The following SPPL2B variants were observed in gnomAD, a reference collection of about 807,000 sequenced individuals.
The protein encoded by SPPL2B is signal peptide peptidase-like 2B.
A neutral mutation model predicts 59.7 loss-of-function variants in SPPL2B; 39 were observed. The ratio of observed to expected loss-of-function variants is 0.65; its 90% CI spans 0.51 to 0.85. The LOEUF (loss-of-function observed/expected upper bound fraction) is 0.85. Ranked by LOEUF, SPPL2B falls within the 40% of genes least tolerant of loss-of-function variation. The pLI, the probability that SPPL2B is intolerant of heterozygous loss-of-function variation, is 0.00. For synonymous variants in SPPL2B, 419 were observed against 370.8 expected (o/e 1.13, Z -1.49); for missense variants, 865 against 849.0 (o/e 1.02, Z -0.23).
rs778921236 is a variant in SPPL2B, at chr19:2,338,762, G to A, written c.380G>A (p.Gly127Glu). 5 of 1,613,160 alleles carry A rather than the reference G, an allele frequency of 3.1e-6. No homozygotes were observed. Among genetic ancestry groups the A allele is most frequent in the South Asian group, 1.1e-5 (1 of 91,060 alleles). ...CCTCTGGGCCCCCAGGTCCCCCCGG[G>A]GGGTAATAAGACGCAGTATGATGAG... ...IVSRERLVPP[G>E]GNKTQYDEIG... The change falls in exon 4 of 15, where the codon GGG (glycine) becomes GAG (glutamate). Residue 127 changes from glycine to glutamate, a missense_variant. Transcript: ENST00000613503.
chr19:2,339,797 C>T (rs1435940725), intron 5 of SPPL2B, 27 bp from the exon 6 acceptor site: 15 of 1,596,750 alleles, frequency 9.4e-6, no homozygotes, highest in Non-Finnish European at 1.2e-5. Flanking sequence ...GGCCCCAGGG[C>T]CCCACGACCC....
chr19:2,337,117 G>T, intron 2 of SPPL2B: 1 of 264,058 alleles, frequency 3.8e-6, no homozygotes, highest in South Asian at 8.7e-5. Context: ...TCTCACAGAT[G>T]CCTGGCCGTG....
chr19:2,338,913 G>T, intron 4 of SPPL2B, 72 bp downstream of exon 4: 1 of 1,538,972 alleles, frequency 6.5e-7, no homozygotes, highest in South Asian at 1.2e-5. Context: ...GCTGCCGGGG[G>T]GGTTTGTGCC....
At chr19:2,336,406 G>A (rs938005243) in intron 2 of SPPL2B, among the ~76,000 whole-genome samples, 1 of 152,056 alleles carries the variant, frequency 6.6e-6, no homozygotes, top group Non-Finnish European at 1.5e-5. Context: ...GTATGTGTGT[G>A]TACATGTGGA....
At chr19:2,328,899 G>C in intron 1 of SPPL2B, 124 bp downstream of exon 1, 1 of 866,462 alleles carries the variant, frequency 1.2e-6, no homozygotes, top group Non-Finnish European at 1.6e-6. Flanking sequence ...GGGATCCGCC[G>C]TCCCCGCGTT....
At chr19:2,341,277 C>G in intron 8 of SPPL2B, 1 of 647,314 alleles carries the variant, frequency 1.5e-6, no homozygotes, top group Non-Finnish European at 2.9e-6. Flanking sequence ...GCCACGTCCT[C>G]CAGCCTGGAT....
chr19:2,338,867 C>G lies in SPPL2B; in HGVS notation c.459+26C>G, dbSNP rs145296258. On this transcript the variant is annotated intron_variant, in intron 4 of 14. Transcript: ENST00000613503. Reference sequence around the variant, plus strand: ...GTAGGTCTGCGCCGGCTCAGACCCACGCTCCCGAGGAGATGGGGCAGGGGG... The same window carrying G: ...GTAGGTCTGCGCCGGCTCAGACCCAGGCTCCCGAGGAGATGGGGCAGGGGG... 2,197 of 1,605,260 alleles carry G rather than the reference C, an allele frequency of 1.4e-3. 3 individuals are homozygous for G. The highest frequency in any genetic ancestry group is 1.7e-3 in the Non-Finnish European group (2,021 of 1,173,346).
At position 2,338,767 on chromosome 19, in the gene SPPL2B, A is replaced by T; in HGVS notation, c.385A>T (p.Asn129Tyr). 1 of 1,612,894 alleles carries T rather than the reference A, an allele frequency of 6.2e-7. No individual in the cohort carries two copies. Among genetic ancestry groups the T allele is most frequent in the South Asian group, 1.1e-5 (1 of 91,046 alleles). ...GGGCCCCCAGGTCCCCCCGGGGGGT[A>T]ATAAGACGCAGTATGATGAGATTGG... ...SRERLVPPGG[N>Y]KTQYDEIGIP... The change falls in exon 4 of 15, where the codon AAT becomes TAT. Residue 129 changes from asparagine to tyrosine, a missense_variant. By Grantham distance (143) the Asn-to-Tyr change is moderately radical. Transcript: ENST00000613503.
At chr19:2,344,148 C>T (rs1475955171) in intron 10 of SPPL2B, 109 bp downstream of exon 10, 53 of 531,466 alleles carry the variant, frequency 1.0e-4, no homozygotes, top group Non-Finnish European at 1.4e-4. Flanking sequence ...CCCGCCCCCT[C>T]GTCCCCCTCC....
At chr19:2,352,835 C>T (rs1969999022) in intron 14 of SPPL2B, 111 bp from the exon 15 acceptor site, 4 of 1,229,574 alleles carry the variant, frequency 3.3e-6, no homozygotes, top group Non-Finnish European at 1.1e-6. Flanking sequence ...GGGATGGCGC[C>T]TCATTTTGAC....
Position 2,344,609 on chromosome 19 carries a change from C to A in SPPL2B, c.1233C>A (p.Asp411Glu). 1 of 1,613,238 alleles carries A rather than the reference C, an allele frequency of 6.2e-7. No homozygotes were observed. Among genetic ancestry groups the A allele is most frequent in the South Asian group, 1.1e-5 (1 of 91,006 alleles). ...ACTCCTCACCTCTGGCCCTGTGTGA[C>A]CGGCCCTTCTCCCTCCTGGGTTTCG... ...RLNSSPLALC[D>E]RPFSLLGFGD... is the part of the protein sequence containing the mutation. The change falls in exon 12 of 15, where the codon GAC becomes GAA. Residue 411 changes from aspartate to glutamate, a missense_variant. Physicochemically the swap from Asp to Glu is conservative, Grantham distance 45 (BLOSUM62 2). Coordinates refer to ENST00000613503, the MANE Select transcript of SPPL2B (RefSeq NM_152988.3).
At chr19:2,341,325 G>T in intron 8 of SPPL2B, 1 of 570,742 alleles carries the variant, frequency 1.8e-6, no homozygotes, top group Non-Finnish European at 3.3e-6. Flanking sequence ...CAGGGCCACA[G>T]TCTGTCCCCC....
At chr19:2,347,221 A>G (rs1291145341) in intron 13 of SPPL2B, among the ~76,000 whole-genome samples, 4 of 141,980 alleles carry the variant, frequency 2.8e-5, no homozygotes, top group Non-Finnish European at 6.0e-5. Context: ...CTCCACACAC[A>G]CACTCACGCG....
intron 13 of SPPL2B, among the ~76,000 whole-genome samples, chr19:2,349,724 G>A (rs1423380587): frequency 1.6e-5 from 2 of 126,120 alleles, no homozygotes; most frequent in Non-Finnish European, 3.2e-5. Context: ...GTTCTCATTC[G>A]CTTGATTCCG....
chr19:2,344,132 C>T (rs1969223207), intron 10 of SPPL2B, 93 bp downstream of exon 10: 2 of 580,698 alleles, frequency 3.4e-6, no homozygotes, highest in South Asian at 3.7e-5. Flanking sequence ...CACCCCGCCC[C>T]CTCGTCCCGC....
intron 13 of SPPL2B, among the ~76,000 whole-genome samples, chr19:2,350,003 CG>C (rs1969808224): frequency 7.1e-6 from 1 of 140,450 alleles, no homozygotes; most frequent in African/African-American, 2.7e-5. Flanking sequence ...TGCTTGATTC[CG>C]TTCTCTCCCT....
In SPPL2B at chr19:2,353,156, G is replaced by GGCC. The variant is rs1249443212; in HGVS notation, c.1728_1730dup (p.Arg577dup). ...GCCTGGGAGCCCAGCTGAATCCGAG[G>GGCC]GCCGGGACCAGGCCCAGCCGTCCCC... On this transcript the variant is annotated inframe_insertion, in exon 15 of 15. Coordinates refer to ENST00000613503, the MANE Select transcript of SPPL2B (RefSeq NM_152988.3). 6.2e-7 allele frequency: 1 copy of GGCC among 1,609,942 alleles called. No homozygotes were observed. Among genetic ancestry groups the GGCC allele is most frequent in the South Asian group, 1.1e-5 (1 of 91,010 alleles).
intron 13 of SPPL2B, among the ~76,000 whole-genome samples, chr19:2,347,579 ACACT>A (rs58584210): frequency 2.1e-4 from 1 of 4,756 alleles, no homozygotes; most frequent in Non-Finnish European, 2.8e-4. Context: ...CTCTCCACAC[ACACT>A]CACGCACTCT....
At chr19:2,331,722 C>T (rs563609910) in intron 1 of SPPL2B, among the ~76,000 whole-genome samples, 41 of 152,354 alleles carry the variant, frequency 2.7e-4, no homozygotes, top group African/African-American at 9.6e-4. Flanking sequence ...ACCAGAGTCC[C>T]TGATCCCATA....
Sources: allele counts gnomAD v4.1 joint callset (sites outside exome capture counted in the v4.1 genomes callset), GRCh38; gene constraint gnomAD v4.1.1; transcripts MANE v1.5; gene names NCBI Gene and HGNC (gene_info 2026-07-23, HGNC 2026-07-21).